SPIRE1: variants seen among roughly 807,000 people sequenced by gnomAD.
SPIRE1 encodes the protein spire type actin nucleation factor 1.
Under a neutral mutation model 94.1 loss-of-function variants are expected in SPIRE1, and 40 were observed. The observed-to-expected ratio is 0.43, with a 90% CI of 0.33 to 0.55. The LOEUF is 0.55. Among genes scored for constraint, SPIRE1 ranks in the 20% least tolerant of loss-of-function variants. The pLI is 0.06. For missense variants in SPIRE1, 838 were observed against 975.2 expected (o/e 0.86, Z 1.87); for synonymous variants, 376 against 371.7 (o/e 1.01, Z -0.13).
rs1432867871 is a variant in SPIRE1 at position 12,447,201 on chromosome 18, G to C, written c.*2437C>G. On this transcript the variant is annotated 3_prime_UTR_variant, in exon 17 of 17. Coordinates refer to ENST00000409402, the MANE Select transcript of SPIRE1 (RefSeq NM_001128626.2). ...AGATGAGAGCAGGGATGATGGTTCA[G>C]ATACGCACACATGCTCTAAGACACA... 6.6e-6 allele frequency: 1 copy of C among 152,192 alleles called. No homozygotes were observed. Among genetic ancestry groups the C allele is most frequent in the African/African-American group, 2.4e-5 (1 of 41,430 alleles). The allele number at this position is 152,192 out of a possible 1,614,324, so 9.4% of individuals were successfully genotyped here.
chr18:12,484,259 T>C (rs929288765), intron 9 of SPIRE1, among the ~76,000 whole-genome samples: 3 of 152,244 alleles, frequency 2.0e-5, no homozygotes, highest in Non-Finnish European at 4.4e-5. Flanking sequence ...AGAGTATCTG[T>C]AATGTATATT....
Position 12,506,494 on chromosome 18 carries a change from T to C in SPIRE1, c.955A>G (p.Thr319Ala). 6.2e-7 allele frequency: 1 copy of C among 1,613,954 alleles called. No individual in the cohort carries two copies. Among genetic ancestry groups the C allele is most frequent in the East Asian group, 2.2e-5 (1 of 44,868 alleles). ...LMDDIRCKRY[T>A]LRKVMVNGDI... ...TTACTTACCATCACTTTTCGCAAGG[T>C]GTATCTTTTGCAGCGAATGTCATCC... Residue 319 changes from threonine to alanine, a missense_variant, in exon 6 of 17, where the codon ACC (threonine) becomes GCC (alanine). Thr to Ala is a moderately conservative substitution (Grantham distance 58). Around this residue, in one of 2 missense-constraint regions of SPIRE1, gnomAD observed 645 missense variants for 804.7 expected, o/e 0.80. Coordinates refer to ENST00000409402, the MANE Select transcript of SPIRE1 (RefSeq NM_001128626.2).
intron 2 of SPIRE1, among the ~76,000 whole-genome samples, chr18:12,620,512 T>C (rs543092299): frequency 6.6e-6 from 1 of 152,298 alleles, no homozygotes; most frequent in African/African-American, 2.4e-5. Flanking sequence ...CATACATCTA[T>C]AATCAACTGA....
At chr18:12,554,295 TC>T (rs1313355192) in intron 2 of SPIRE1, among the ~76,000 whole-genome samples, 11 of 92,300 alleles carry the variant, frequency 1.2e-4, no homozygotes, top group African/African-American at 4.8e-4. Flanking sequence ...AAGACTCTGT[TC>T]AAAAAAAAAA....
chr18:12,623,977 G>A (rs566482504), intron 2 of SPIRE1, among the ~76,000 whole-genome samples: 202 of 149,776 alleles, frequency 1.3e-3, no homozygotes, highest in African/African-American at 4.5e-3. Context: ...AGGTTGGTGC[G>A]CCCTGGAGTG....
intron 2 of SPIRE1, among the ~76,000 whole-genome samples, chr18:12,558,011 T>A (rs1247822879): frequency 6.6e-6 from 1 of 152,206 alleles, no homozygotes. Context: ...TATCGCTATG[T>A]ACAAAAATAA....
chr18:12,618,714 C>CA (rs2037379791), intron 2 of SPIRE1, among the ~76,000 whole-genome samples: 1 of 152,104 alleles, frequency 6.6e-6, no homozygotes, highest in Non-Finnish European at 1.5e-5. Flanking sequence ...TTTTTAAACA[C>CA]ACACAAAAAA....
intron 4 of SPIRE1, among the ~76,000 whole-genome samples, chr18:12,513,711 C>G (rs985898895): frequency 6.6e-6 from 1 of 152,112 alleles, no homozygotes; most frequent in African/African-American, 2.4e-5. Context: ...TTAGTACAGA[C>G]AGGGTTTCTC....
At chr18:12,450,962 A>G (rs895043496) in intron 16 of SPIRE1, 6 of 636,644 alleles carry the variant, frequency 9.4e-6, no homozygotes, top group South Asian at 1.5e-5. Flanking sequence ...GGGTCCTGCT[A>G]AAGTTGCCCA....
chr18:12,657,429 G>C (rs948511173), intron 1 of SPIRE1, 101 bp downstream of exon 1: 13 of 986,046 alleles, frequency 1.3e-5, no homozygotes, highest in Middle Eastern at 3.7e-4. Flanking sequence ...GGCAAAATGG[G>C]GGGGGACGGC....
At chr18:12,495,462 C>G (rs528991139) in intron 7 of SPIRE1, among the ~76,000 whole-genome samples, 18 of 152,250 alleles carry the variant, frequency 1.2e-4, no homozygotes, top group African/African-American at 4.1e-4. Flanking sequence ...ACAGGACTAT[C>G]CAGTAATATA....
In SPIRE1 at chr18:12,449,832, T is replaced by C; in HGVS notation, c.2077A>G (p.Met693Val). The change falls in exon 17 of 17, where the codon ATG becomes GTG. Residue 693 changes from methionine (M) to valine (V), a missense_variant. By Grantham distance (21) the Met-to-Val change is conservative. Coordinates refer to ENST00000409402, the MANE Select transcript of SPIRE1 (RefSeq NM_001128626.2). ...DEELQFPKEL[M>V]EDWSTMEVCV... ...ACCTCCATGGTGCTCCAGTCCTCCA[T>C]CAACTCTTTGGGAAACTGGAGTTCT... The C allele has an allele frequency of 1.2e-6, 2 of 1,614,166 alleles. No individual in the cohort carries two copies. The highest frequency in any genetic ancestry group is 2.2e-5 in the South Asian group (2 of 91,078).
intron 3 of SPIRE1, among the ~76,000 whole-genome samples, chr18:12,543,582 C>A (rs2035071140): frequency 6.6e-6 from 1 of 152,070 alleles, no homozygotes; most frequent in African/African-American, 2.4e-5. Flanking sequence ...CCCTAAGGCT[C>A]CAGTAATAGA....
At chr18:12,506,768 T>C (rs1046597752) in intron 5 of SPIRE1, 127 bp from the exon 6 acceptor site, 32 of 967,682 alleles carry the variant, frequency 3.3e-5, no homozygotes, top group Admixed American at 1.3e-4. Context: ...AAAAACTATT[T>C]TAAAAATTAG....
At chr18:12,451,576 G>A (rs2031238043) in intron 16 of SPIRE1, among the ~76,000 whole-genome samples, 1 of 152,172 alleles carries the variant, frequency 6.6e-6, no homozygotes, top group East Asian at 1.9e-4. Context: ...AAGCACAGAG[G>A]CAGACGTTTC....
intron 2 of SPIRE1, among the ~76,000 whole-genome samples, chr18:12,565,067 G>A (rs2035783452): frequency 6.6e-6 from 1 of 152,062 alleles, no homozygotes; most frequent in Admixed American, 6.5e-5. Context: ...TCAAACTACA[G>A]GTCCAAAATT....
chr18:12,585,047 G>A (rs912929820), intron 2 of SPIRE1, among the ~76,000 whole-genome samples: 2 of 151,980 alleles, frequency 1.3e-5, no homozygotes, highest in Non-Finnish European at 2.9e-5. Flanking sequence ...CTCGTGATCC[G>A]CCCACCTCGG....
rs574087568 is a variant in SPIRE1 at position 12,532,721 on chromosome 18, A to C, written c.729+2755T>G. Among the ~76,000 whole-genome samples, 4 of 152,366 alleles carry C rather than the reference A, an allele frequency of 2.6e-5. No homozygotes were observed. The South Asian group carries it at 8.3e-4, about 32-fold the overall frequency. Reference sequence around the variant, plus strand: ...CTGAAACCATTTACATACATAAACTAACATGTATAAAAATGTTCTATCATT... The same window carrying C: ...CTGAAACCATTTACATACATAAACTCACATGTATAAAAATGTTCTATCATT... On this transcript the variant is annotated intron_variant, in intron 4 of 16. Coordinates refer to ENST00000409402, the MANE Select transcript of SPIRE1 (RefSeq NM_001128626.2).
chr18:12,637,863 TATAAA>T (rs1250362954), intron 1 of SPIRE1, among the ~76,000 whole-genome samples: 2 of 152,228 alleles, frequency 1.3e-5, no homozygotes, highest in South Asian at 2.1e-4. Flanking sequence ...CATAAGAGTC[TATAAA>T]ATAAGATTTT....
Sources: gnomAD v4.1 joint callset for allele counts (sites outside exome capture counted in the v4.1 genomes callset) on GRCh38, gnomAD v4.1.1 for gene constraint, gnomAD v4.1.1 regional missense constraint, MANE v1.5 for transcripts, NCBI Gene and HGNC (gene_info 2026-07-23, HGNC 2026-07-21) for gene names.